USP6: variants seen among roughly 807,000 people sequenced by gnomAD.
USP6 encodes ubiquitin specific peptidase 6, also known as ubiquitin carboxyl-terminal hydrolase 6.
Under a neutral mutation model 175.7 loss-of-function variants are expected in USP6, and 128 were observed. That is an observed-to-expected ratio of 0.73 (90% CI 0.63 to 0.84). The LOEUF (loss-of-function observed/expected upper bound fraction) is 0.84, where lower values mean the gene tolerates loss of function less well. Ranked by LOEUF, USP6 falls within the 40% of genes least tolerant of loss-of-function variation. The probability of loss-of-function intolerance (pLI) is 0.00; values close to 1 mark genes in which losing one functional copy is unlikely to be tolerated. For missense variants in USP6, 1,498 were observed against 1,760.3 expected (o/e 0.85, Z 2.67); for synonymous variants, 562 against 630.6 (o/e 0.89, Z 1.63).
intron 13 of USP6, 122 bp downstream of exon 13, chr17:5,133,112 G>A: frequency 8.5e-7 from 1 of 1,180,856 alleles, no homozygotes; most frequent in Non-Finnish European, 1.2e-6. Context: ...TCCTCGCCCA[G>A]AGGACTGCAG....
Position 5,162,910 on chromosome 17 carries a change from G to A in USP6, c.2942G>A (p.Cys981Tyr), listed in dbSNP as rs1241042259. The stretch of plus-strand genomic sequence containing the variant: ...TTTTGCAGAGGCTGTAAAATTGATT[G>A]TGGGGAAGACAGAGCTTTCATTGGA... ...YRFCRGCKID[C>Y]GEDRAFIGNA... The change falls in exon 33 of 38, where the codon TGT becomes TAT. Residue 981 changes from cysteine (C) to tyrosine (Y), a missense_variant. Physicochemically the swap from Cys to Tyr is radical, Grantham distance 194. This residue lies in a region of USP6 where 1,217 missense variants were observed against 1,500.8 expected (regional missense o/e 0.81). Transcript: ENST00000574788. The A allele has an allele frequency of 4.4e-6, 7 of 1,605,928 alleles. No individual in the cohort carries two copies. The highest frequency in any genetic ancestry group is 3.4e-6 in the Non-Finnish European group (4 of 1,178,168).
chr17:5,171,510 T>G (rs755318013), intron 36 of USP6, 77 bp from the exon 37 acceptor site: 2 of 1,365,466 alleles, frequency 1.5e-6, no homozygotes, highest in Non-Finnish European at 2.0e-6. Flanking sequence ...AGTGTTCTCC[T>G]GCTCAGATCT....
rs1319529485 is a variant in USP6, at chr17:5,132,069, A to G, written c.156-327A>G. 20 of 869,282 alleles carry G rather than the reference A, an allele frequency of 2.3e-5. No homozygotes were observed. Among genetic ancestry groups the G allele is most frequent in the Admixed American group, 3.2e-5 (1 of 31,324 alleles). The allele number at this position is 869,282 out of a possible 1,614,324, so 53.8% of individuals were successfully genotyped here. A position where few individuals can be genotyped will look rare whatever the true frequency, so the allele number is the denominator to read the frequency against. ...GCCCATGCTGGGTGGCCCCCATCCC[A>G]TCTCAGGGCTAACCTTTCTCAGCTC... On this transcript the variant is annotated intron_variant, in intron 11 of 37. Transcript: ENST00000574788. This position sits in a 1 kb window ranked among gnomAD's most constrained non-coding sequence, Gnocchi z 4.7.
rs1022011502 is a variant in USP6 at position 5,146,980 on chromosome 17, G to A, written c.2320-103G>A. On this transcript the variant is annotated intron_variant, in intron 28 of 37. Transcript: ENST00000574788. ...TATTCAATCATCTCGTTGGTTTTAT[G>A]GATGAAAGGACCTAAGACATTCTTT... is the stretch of plus-strand genomic sequence containing the variant. 50 of 1,180,336 alleles carry A rather than the reference G, an allele frequency of 4.2e-5. No individual in the cohort carries two copies. Among genetic ancestry groups the A allele is most frequent in the Non-Finnish European group, 5.4e-5 (46 of 853,668 alleles). 73.1% of individuals were successfully genotyped at this position (1,180,336 alleles called of 1,614,324 possible).
rs1218934399 is a variant in USP6, at chr17:5,124,660, C to T, written c.-1204C>T. ...TCAGAAGGGACCCACCCTGGTGACA[C>T]CTTGATCTTGGACTGACACTCATGA... is the stretch of plus-strand genomic sequence containing the variant. On this transcript the variant is annotated 5_prime_UTR_variant, in exon 5 of 38. Coordinates refer to ENST00000574788, the MANE Select transcript of USP6 (RefSeq NM_001304284.2). 6.6e-6 allele frequency: 1 copy of T among 152,338 alleles called. No individual in the cohort carries two copies. The highest frequency in any genetic ancestry group is 1.5e-5 in the Non-Finnish European group (1 of 68,098). The allele number at this position is 152,338 out of a possible 1,614,324, so 9.4% of individuals were successfully genotyped here.
At chr17:5,135,213 C>G in intron 15 of USP6, 21 bp from the exon 16 acceptor site, 2 of 1,611,686 alleles carry the variant, frequency 1.2e-6, no homozygotes, top group Non-Finnish European at 1.7e-6. Context: ...CAAACCATAG[C>G]CCCCTTTCTG....
intron 31 of USP6, among the ~76,000 whole-genome samples, chr17:5,158,825 G>C (rs2073949945): frequency 6.6e-6 from 1 of 152,140 alleles, no homozygotes; most frequent in South Asian, 2.1e-4. Context: ...CTTTGTGAAA[G>C]CTATTTTAGT....
chr17:5,133,027 C>T, intron 13 of USP6, 37 bp downstream of exon 13: 1 of 1,607,104 alleles, frequency 6.2e-7, no homozygotes, highest in Non-Finnish European at 8.5e-7. Context: ...GAAGCACTCT[C>T]TGCAGAAACA....
chr17:5,164,766 T>C (rs959111994), intron 33 of USP6, among the ~76,000 whole-genome samples: 21 of 152,248 alleles, frequency 1.4e-4, no homozygotes, highest in Non-Finnish European at 2.6e-4. Flanking sequence ...TAGAAAGTCA[T>C]GTAGACAAAA....
chr17:5,169,177 C>T (rs1299534994), intron 35 of USP6, 122 bp downstream of exon 35: 2 of 1,144,080 alleles, frequency 1.7e-6, no homozygotes, highest in Non-Finnish European at 2.4e-6. Context: ...TGGAATCAGA[C>T]CTATCTGTAT....
In USP6 at chr17:5,170,552, A is replaced by G. The variant is rs1184126653; in HGVS notation, c.3591A>G (p.Pro1197=). 6.2e-7 allele frequency: 1 copy of G among 1,612,024 alleles called. No homozygotes were observed. The highest frequency in any genetic ancestry group is 1.1e-5 in the South Asian group (1 of 90,976). The part of the protein sequence containing the change: ...SSKNSSPNSS[P]RTLGRSKGRL... The stretch of plus-strand genomic sequence containing the variant: ...AAAACAGCAGCCCTAATAGCAGCCC[A>G]CGGACTTTGGGGAGGAGCAAAGGGA... The change falls in exon 36 of 38, where the codon CCA becomes CCG. Residue 1197 remains proline (P), a synonymous_variant. Coordinates refer to ENST00000574788, the MANE Select transcript of USP6 (RefSeq NM_001304284.2).
chr17:5,162,869 T>A lies in USP6; in HGVS notation c.2916-15T>A. On this transcript the variant is annotated splice_polypyrimidine_tract_variant and intron_variant, in intron 32 of 37. Coordinates refer to ENST00000574788, the MANE Select transcript of USP6 (RefSeq NM_001304284.2). ...TAATTATTTCTTCCTCTGTGGATCTTTCCCCCCTTTTTAGATTTTGCAGAG... is the reference window on the plus strand; with the variant it reads ...TAATTATTTCTTCCTCTGTGGATCTATCCCCCCTTTTTAGATTTTGCAGAG... The A allele has an allele frequency of 6.3e-7, 1 of 1,590,712 alleles. No homozygotes were observed. Among genetic ancestry groups the A allele is most frequent in the Non-Finnish European group, 8.5e-7 (1 of 1,174,886 alleles).
At chr17:5,118,976 C>A (rs2072592295) in intron 2 of USP6, among the ~76,000 whole-genome samples, 1 of 152,262 alleles carries the variant, frequency 6.6e-6, no homozygotes, top group Admixed American at 6.5e-5. Flanking sequence ...AGTAAGCAAA[C>A]AGGAATAGAA....
chr17:5,138,662 G>A (rs1393266127), intron 21 of USP6, among the ~76,000 whole-genome samples: 3 of 152,156 alleles, frequency 2.0e-5, no homozygotes, highest in Non-Finnish European at 2.9e-5. Context: ...ACTCCTGCAC[G>A]CTCCTCCAAG....
At chr17:5,150,426 A>G (rs1231131669) in intron 30 of USP6, among the ~76,000 whole-genome samples, 1 of 151,816 alleles carries the variant, frequency 6.6e-6, no homozygotes, top group Non-Finnish European at 1.5e-5. Flanking sequence ...AAAAGGTACT[A>G]CTGTATTGGT....
At position 5,173,855 on chromosome 17, in the gene USP6, G is replaced by C. The variant is rs144099303; in HGVS notation, c.*877G>C. 239 of 223,430 alleles carry C rather than the reference G, an allele frequency of 1.1e-3. No homozygotes were observed. Among genetic ancestry groups the C allele is most frequent in the African/African-American group, 4.5e-3 (202 of 44,918 alleles). The allele number at this position is 223,430 out of a possible 1,614,324, so 13.8% of individuals were successfully genotyped here. On this transcript the variant is annotated 3_prime_UTR_variant, in exon 38 of 38. Coordinates refer to ENST00000574788, the MANE Select transcript of USP6 (RefSeq NM_001304284.2). Reference sequence around the variant, plus strand: ...GCACATGTTGCAACAAGAGCTTCTGGGAAGGTAAGCGGCATCGGAGCTAGA... The same window carrying C: ...GCACATGTTGCAACAAGAGCTTCTGCGAAGGTAAGCGGCATCGGAGCTAGA...
chr17:5,169,326 A>G (rs1317973589), intron 35 of USP6, among the ~76,000 whole-genome samples: 2 of 152,202 alleles, frequency 1.3e-5, no homozygotes, highest in Admixed American at 6.5e-5. Context: ...TGCCTGATGT[A>G]TGGTAAACAG....
chr17:5,142,208 T>C, intron 24 of USP6, 67 bp downstream of exon 24: 1 of 1,564,562 alleles, frequency 6.4e-7, no homozygotes, highest in East Asian at 2.3e-5. Context: ...TCACCTAAAT[T>C]TCCTCTTTTT....
At chr17:5,154,092 A>C (rs1196096814) in intron 30 of USP6, among the ~76,000 whole-genome samples, 4 of 152,248 alleles carry the variant, frequency 2.6e-5, no homozygotes, top group African/African-American at 4.8e-5. Context: ...GCTATGTTTT[A>C]AAATTTTGTG....
Sources: allele counts gnomAD v4.1 joint callset (sites outside exome capture counted in the v4.1 genomes callset), GRCh38; gene constraint gnomAD v4.1.1; regional missense constraint gnomAD v4.1.1; non-coding constraint Gnocchi (gnomAD v3.1); transcripts MANE v1.5; gene names NCBI Gene and HGNC (gene_info 2026-07-23, HGNC 2026-07-21).